MEIS1: variants seen among roughly 807,000 people sequenced by gnomAD.
The protein encoded by MEIS1 is homeobox protein Meis1.
Under a neutral mutation model 50.8 loss-of-function variants are expected in MEIS1, and 5 were observed. The ratio of observed to expected loss-of-function variants is 0.10; its 90% CI spans 0.05 to 0.21. The LOEUF (loss-of-function observed/expected upper bound fraction) is 0.21, where lower values mean the gene tolerates loss of function less well. Ranked by LOEUF, MEIS1 falls within the 10% of genes least tolerant of loss-of-function variation. The pLI, the probability that MEIS1 is intolerant of heterozygous loss-of-function variation, is 1.00. For synonymous variants in MEIS1, 176 were observed against 179.3 expected (o/e 0.98, Z 0.15); for missense variants, 318 against 517.3 (o/e 0.61, Z 3.74).
intron 7 of MEIS1, among the ~76,000 whole-genome samples, chr2:66,480,741 A>G (rs1156764782): frequency 6.6e-6 from 1 of 152,212 alleles, no homozygotes; most frequent in Non-Finnish European, 1.5e-5. Context: ...ACGATAGGAA[A>G]GAAGAGTTCC....
In MEIS1 at chr2:66,440,794, T is replaced by C. The variant is rs1452051340; in HGVS notation, c.432+182T>C. 1.4e-5 allele frequency: 8 copies of C among 580,836 alleles called. No individual in the cohort carries two copies. The East Asian group carries it at 2.3e-4, about 17-fold the overall frequency. The allele number at this position is 580,836 out of a possible 1,614,324, so 36.0% of individuals were successfully genotyped here. A position where few individuals can be genotyped will look rare whatever the true frequency, so the allele number is the denominator to read the frequency against. ...GGGACAAGATCCCGGGGAAATAAAT[T>C]CATCTCGAGAGGGGCCGGGCGAGCC... On this transcript the variant is annotated intron_variant, in intron 4 of 12. Coordinates refer to ENST00000272369, the MANE Select transcript of MEIS1 (RefSeq NM_002398.3).
intron 2 of MEIS1, chr2:66,439,573 A>G: frequency 1.3e-6 from 2 of 1,525,722 alleles, no homozygotes; most frequent in Non-Finnish European, 1.8e-6. Context: ...TATTCGTAGC[A>G]AATGTTGCCA....
At chr2:66,555,685 G>T (rs1675043835) in intron 9 of MEIS1, among the ~76,000 whole-genome samples, 1 of 152,164 alleles carries the variant, frequency 6.6e-6, no homozygotes, top group Admixed American at 6.5e-5. Flanking sequence ...TGAGGCTGGT[G>T]TTGGGTGATT....
At chr2:66,539,816 C>G (rs1674608193) in intron 8 of MEIS1, among the ~76,000 whole-genome samples, 1 of 152,172 alleles carries the variant, frequency 6.6e-6, no homozygotes, top group Admixed American at 6.5e-5. Context: ...CTAACTTTCC[C>G]TGACAGCCCC....
chr2:66,465,408 T>C (rs1672610087), intron 7 of MEIS1, among the ~76,000 whole-genome samples: 1 of 152,218 alleles, frequency 6.6e-6, no homozygotes, highest in Non-Finnish European at 1.5e-5. Context: ...TGACTTTTAC[T>C]GGAAAATGAT....
intron 8 of MEIS1, among the ~76,000 whole-genome samples, chr2:66,540,961 A>G (rs980663696): frequency 6.6e-6 from 1 of 152,048 alleles, no homozygotes; most frequent in Non-Finnish European, 1.5e-5. Flanking sequence ...TTTCTATTTA[A>G]TTGATATTTA....
At chr2:66,562,072 C>CTTTTTTTTTTTTTTTTTTTTTTTT (rs749406692) in intron 9 of MEIS1, 142 of 62,070 alleles carry the variant, frequency 2.3e-3, no homozygotes, top group South Asian at 3.5e-3. Context: ...TTTTTTTTTA[C>CTTTTTTTTTTTTTTTTTTTTTTTT]TTTTATCAGT....
At chr2:66,540,655 G>A (rs1558556868) in intron 8 of MEIS1, among the ~76,000 whole-genome samples, 1 of 152,148 alleles carries the variant, frequency 6.6e-6, no homozygotes, top group Non-Finnish European at 1.5e-5. Flanking sequence ...CTTCTACTGA[G>A]AGAATCAATA....
At chr2:66,565,281 ACTCTCTCT>A in intron 9 of MEIS1, among the ~76,000 whole-genome samples, 1 of 150,898 alleles carries the variant, frequency 6.6e-6, no homozygotes, top group South Asian at 2.1e-4. Context: ...CACTGTATTC[ACTCTCTCT>A]CTCTCTCTTT....
rs1317693999 is a variant in MEIS1, at chr2:66,448,627, CAAT to C, written c.630+5581_630+5583del. Among the ~76,000 whole-genome samples the C allele has an allele frequency of 2.6e-5, 4 of 152,168 alleles. No individual in the cohort carries two copies. The East Asian group carries it at 5.8e-4, about 22-fold the overall frequency. Reference sequence around the variant, plus strand: ...AATGTTATGCTTTCCATTGCAACAACAATATTTTCTTATGAAACATAAATATGT... The same window carrying C: ...AATGTTATGCTTTCCATTGCAACAACATTTTCTTATGAAACATAAATATGT... On this transcript the variant is annotated intron_variant, in intron 6 of 12. Transcript: ENST00000272369.
intron 7 of MEIS1, among the ~76,000 whole-genome samples, chr2:66,509,843 G>A (rs529613113): frequency 6.6e-6 from 1 of 152,166 alleles, no homozygotes; most frequent in Non-Finnish European, 1.5e-5. Context: ...GATGCACAAA[G>A]CTGGAAAAAA....
intron 10 of MEIS1, chr2:66,568,297 C>G (rs934042557): frequency 3.7e-5 from 7 of 189,710 alleles, no homozygotes; most frequent in African/African-American, 1.7e-4. Context: ...TCTTTACTTT[C>G]TTTATGAAAT....
chr2:66,560,208 A>T (rs193015420), intron 9 of MEIS1, among the ~76,000 whole-genome samples: 2 of 150,922 alleles, frequency 1.3e-5, no homozygotes, highest in African/African-American at 4.9e-5. Context: ...ATTTATTTTA[A>T]TGCCTAAGGC....
intron 8 of MEIS1, among the ~76,000 whole-genome samples, chr2:66,535,776 T>G (rs1261273228): frequency 9.4e-5 from 1 of 10,632 alleles, no homozygotes; most frequent in Admixed American, 2.3e-3. Context: ...CCATTTAAAG[T>G]TTTTAGATTT....
chr2:66,544,006 A>G (rs1209973162), intron 8 of MEIS1, among the ~76,000 whole-genome samples: 2 of 152,204 alleles, frequency 1.3e-5, no homozygotes, highest in East Asian at 3.9e-4. Flanking sequence ...TGTCCTTGAG[A>G]TGCAATAACA....
chr2:66,437,532 A>C, intron 1 of MEIS1: 1 of 600,816 alleles, frequency 1.7e-6, no homozygotes, highest in East Asian at 2.8e-5. Context: ...CATTCATCCC[A>C]GACGAGTCTC....
intron 8 of MEIS1, among the ~76,000 whole-genome samples, chr2:66,517,631 C>A (rs541110254): frequency 2.6e-5 from 4 of 152,058 alleles, no homozygotes; most frequent in Non-Finnish European, 5.9e-5. Context: ...TTGTAGATAG[C>A]GTATTTCAAC....
intron 7 of MEIS1, among the ~76,000 whole-genome samples, chr2:66,475,299 T>G (rs1190978106): frequency 1.4e-5 from 2 of 146,546 alleles, no homozygotes; most frequent in Non-Finnish European, 3.0e-5. Context: ...TAAAATAAAT[T>G]TATATATTTA....
In MEIS1 at chr2:66,573,200, T is replaced by G. The variant is rs903789177; in HGVS notation, c.*1992T>G. 13 of 152,216 alleles carry G rather than the reference T, an allele frequency of 8.5e-5. No individual in the cohort carries two copies. Among genetic ancestry groups the G allele is most frequent in the African/African-American group, 3.1e-4 (13 of 41,444 alleles). The allele number at this position is 152,216 out of a possible 1,614,324, so 9.4% of individuals were successfully genotyped here. A position where few individuals can be genotyped will look rare whatever the true frequency, so the allele number is the denominator to read the frequency against. On this transcript the variant is annotated 3_prime_UTR_variant, in exon 13 of 13. Coordinates refer to ENST00000272369, the MANE Select transcript of MEIS1 (RefSeq NM_002398.3). ...GCTCTATGTTCTCATTGGATAAAACTGGTTATTAACCAATTTTCCAGAACA... is the reference window on the plus strand; with the variant it reads ...GCTCTATGTTCTCATTGGATAAAACGGGTTATTAACCAATTTTCCAGAACA...
Sources: gnomAD v4.1 joint callset for allele counts (sites outside exome capture counted in the v4.1 genomes callset) on GRCh38, gnomAD v4.1.1 for gene constraint, MANE v1.5 for transcripts, NCBI Gene and HGNC (gene_info 2026-07-23, HGNC 2026-07-21) for gene names.